The following PBX4 variants were observed in gnomAD, a reference collection of about 807,000 sequenced individuals.
PBX4 encodes pre-B-cell leukemia transcription factor 4.
In PBX4, 26 loss-of-function variants were observed where a neutral mutation model predicts 35.1. The observed-to-expected ratio is 0.74, with a 90% CI of 0.54 to 1.03. PBX4 has a LOEUF of 1.03. Ranked by LOEUF, PBX4 falls within the 50% of genes least tolerant of loss-of-function variation. PBX4 has a pLI of 0.00. For missense variants in PBX4, 448 were observed against 504.3 expected (o/e 0.89, Z 1.07); for synonymous variants, 199 against 204.2 (o/e 0.97, Z 0.22).
Position 19,618,599 on chromosome 19 carries a change from G to A in PBX4, c.31C>T (p.Pro11Ser). ...GTGTCGAGGCGCCGCGGGGCGGGGGGCGATGGCGCGGGGCGCGGCGGGGCG... is the reference window on the plus strand; with the variant it reads ...GTGTCGAGGCGCCGCGGGGCGGGGGACGATGGCGCGGGGCGCGGCGGGGCG... MAAPPRPAPS[P>S]PAPRRLDTSD... The change falls in exon 1 of 8, where the codon CCC (proline) becomes TCC (serine). Residue 11 changes from proline (P) to serine (S), a missense_variant. Transcript: ENST00000251203. The A allele has an allele frequency of 1.6e-6, 2 of 1,280,322 alleles. No individual in the cohort carries two copies. The highest frequency in any genetic ancestry group is 9.9e-7 in the Non-Finnish European group (1 of 1,011,730). The allele number at this position is 1,280,322 out of a possible 1,614,324, so 79.3% of individuals were successfully genotyped here. A position where few individuals can be genotyped will look rare whatever the true frequency, so the allele number is the denominator to read the frequency against.
In PBX4 at chr19:19,563,656, C is replaced by A; in HGVS notation, c.926-41G>T. ...GCCGGGGTGGGCAGAGTCGTGGCGC[C>A]TCCTCAGGTGGAACCCACCCAGCCC... On this transcript the variant is annotated intron_variant, in intron 6 of 7. Coordinates refer to ENST00000251203, the MANE Select transcript of PBX4 (RefSeq NM_025245.3). This position sits in a 1 kb window ranked among gnomAD's most constrained non-coding sequence, Gnocchi z 5.1. 6.6e-7 allele frequency: 1 copy of A among 1,511,358 alleles called. No homozygotes were observed. Among genetic ancestry groups the A allele is most frequent in the Non-Finnish European group, 9.0e-7 (1 of 1,113,506 alleles). The allele number at this position is 1,511,358 out of a possible 1,614,324, so 93.6% of individuals were successfully genotyped here. A position where few individuals can be genotyped will look rare whatever the true frequency, so the allele number is the denominator to read the frequency against.
intron 1 of PBX4, chr19:19,606,457 C>A (rs985014195): frequency 2.0e-5 from 3 of 152,282 alleles, no homozygotes; most frequent in African/African-American, 7.2e-5. Context: ...CCAGCCAACA[C>A]CTTGACTGCA....
At chr19:19,566,735 A>C in intron 5 of PBX4, among the ~76,000 whole-genome samples, 1 of 126,342 alleles carries the variant, frequency 7.9e-6, no homozygotes. Flanking sequence ...ACGGAGTCTC[A>C]CTCTGTCACC....
chr19:19,600,368 A>C (rs183644072), intron 1 of PBX4, among the ~76,000 whole-genome samples: 220 of 152,086 alleles, frequency 1.4e-3, no homozygotes, highest in Non-Finnish European at 1.9e-3. Flanking sequence ...CTCTTCAAAA[A>C]TTTAAAAATT....
intron 1 of PBX4, among the ~76,000 whole-genome samples, chr19:19,612,693 A>G (rs959991081): frequency 6.6e-6 from 1 of 152,030 alleles, no homozygotes; most frequent in Non-Finnish European, 1.5e-5. Flanking sequence ...GTCCAAAGAA[A>G]TGAGGGAGAT....
At chr19:19,599,412 A>G (rs1260474080) in intron 1 of PBX4, 47 bp from the exon 2 acceptor site, 1 of 1,502,502 alleles carries the variant, frequency 6.7e-7, no homozygotes, top group Admixed American at 1.7e-5. Flanking sequence ...AATAGTCATC[A>G]TCTTGTCCCC....
At chr19:19,572,031 A>T (rs1437490656) in intron 2 of PBX4, among the ~76,000 whole-genome samples, 1 of 29,982 alleles carries the variant, frequency 3.3e-5, no homozygotes, top group East Asian at 1.4e-3. Flanking sequence ...ACCCCGTCTC[A>T]AAAAAAAAAA....
chr19:19,574,096 C>T (rs140195780), intron 2 of PBX4, among the ~76,000 whole-genome samples: 6,948 of 152,178 alleles, frequency 0.046, 539 homozygotes, highest in African/African-American at 0.16. Flanking sequence ...AGGCTAGTCT[C>T]GAACTCCTGA....
chr19:19,618,236 G>A (rs956117086), intron 1 of PBX4, among the ~76,000 whole-genome samples: 2 of 152,064 alleles, frequency 1.3e-5, no homozygotes, highest in Non-Finnish European at 2.9e-5. Flanking sequence ...CAAAAGTCCC[G>A]TACGTGCCCA....
intron 1 of PBX4, chr19:19,608,637 G>A (rs917870736): frequency 1.3e-5 from 2 of 152,272 alleles, no homozygotes; most frequent in Non-Finnish European, 2.9e-5. Flanking sequence ...ATGCCCGATG[G>A]GACCACAATG....
At position 19,564,628 on chromosome 19, in the gene PBX4, T is replaced by C. The variant is rs1361796438; in HGVS notation, c.925+305A>G. 1.3e-5 allele frequency: 4 copies of C among 302,704 alleles called. No homozygotes were observed. In the Admixed American group the frequency reaches 1.8e-4, roughly 14 times the overall value. The allele number at this position is 302,704 out of a possible 1,614,324, so 18.8% of individuals were successfully genotyped here. On this transcript the variant is annotated intron_variant, in intron 6 of 7. Coordinates refer to ENST00000251203, the MANE Select transcript of PBX4 (RefSeq NM_025245.3). ...GTTGGCCAGGCTGGTCTCAAACTCC[T>C]GACCTCAGGTGATCCACTCATCTTG...
At chr19:19,577,113 G>A (rs568279583) in intron 2 of PBX4, among the ~76,000 whole-genome samples, 3 of 150,682 alleles carry the variant, frequency 2.0e-5, no homozygotes, top group South Asian at 2.1e-4. Context: ...TGTAATCCCA[G>A]CTACTCAGGA....
At chr19:19,573,330 T>C (rs201991661) in intron 2 of PBX4, among the ~76,000 whole-genome samples, 24,649 of 133,234 alleles carry the variant, frequency 0.19, 3,011 homozygotes, top group East Asian at 0.27. Flanking sequence ...AAAAAAAATA[T>C]ACACACACAC....
intron 1 of PBX4, among the ~76,000 whole-genome samples, chr19:19,602,689 C>T (rs1295860438): frequency 1.3e-5 from 2 of 152,110 alleles, no homozygotes; most frequent in Non-Finnish European, 2.9e-5. Context: ...CCCGCCTTGG[C>T]CCCTCAAAGT....
chr19:19,583,045 C>A (rs953698739), intron 2 of PBX4, among the ~76,000 whole-genome samples: 3 of 152,240 alleles, frequency 2.0e-5, no homozygotes, highest in Non-Finnish European at 4.4e-5. Context: ...TGGCCAGGCG[C>A]GGTGGCTCAT....
rs370844553 is a variant in PBX4, at chr19:19,570,214, C to T, written c.527G>A (p.Arg176His). ...CTTGCCGTGAATGGCGCCGACCATG[C>T]GCTCAATCTCCTTAGGGGAGACAGG... ...MRPVSPKEIE[R>H]MVGAIHGKFS... Residue 176 changes from arginine to histidine, a missense_variant, in exon 4 of 8, where the codon CGC becomes CAC. By Grantham distance (29) the Arg-to-His change is conservative. Coordinates refer to ENST00000251203, the MANE Select transcript of PBX4 (RefSeq NM_025245.3). 3.7e-5 allele frequency: 60 copies of T among 1,614,018 alleles called. No homozygotes were observed. Among genetic ancestry groups the T allele is most frequent in the South Asian group, 2.2e-4 (20 of 91,086 alleles).
intron 1 of PBX4, among the ~76,000 whole-genome samples, chr19:19,603,288 A>G (rs893099803): frequency 6.6e-6 from 1 of 152,104 alleles, no homozygotes; most frequent in African/African-American, 2.4e-5. Context: ...CCAAAGGGTA[A>G]GTCAAAGGGG....
chr19:19,609,846 G>A (rs976777285), intron 1 of PBX4, among the ~76,000 whole-genome samples: 3 of 151,978 alleles, frequency 2.0e-5, no homozygotes, highest in East Asian at 1.9e-4. Context: ...GCGAGACTCC[G>A]TCTCAAAAAA....
chr19:19,610,356 T>C (rs933045969), intron 1 of PBX4, among the ~76,000 whole-genome samples: 20 of 152,046 alleles, frequency 1.3e-4, no homozygotes, highest in African/African-American at 3.1e-4. Context: ...GAGGTTGCGG[T>C]GAGCAGAGAT....
Sources: allele counts gnomAD v4.1 joint callset (sites outside exome capture counted in the v4.1 genomes callset), GRCh38; gene constraint gnomAD v4.1.1; non-coding constraint Gnocchi (gnomAD v3.1); transcripts MANE v1.5; gene names NCBI Gene and HGNC (gene_info 2026-07-23, HGNC 2026-07-21).